LRP8: variants seen among roughly 807,000 people sequenced by gnomAD.
The protein encoded by LRP8 is low-density lipoprotein receptor-related protein 8.
A neutral mutation model predicts 111.6 loss-of-function variants in LRP8; 46 were observed. The ratio of observed to expected loss-of-function variants is 0.41; its 90% CI spans 0.33 to 0.53. The LOEUF (loss-of-function observed/expected upper bound fraction) is 0.53. Ranked by LOEUF, LRP8 falls within the 20% of genes least tolerant of loss-of-function variation. LRP8 has a pLI of 0.20. For missense variants in LRP8, 959 were observed against 1,297.4 expected (o/e 0.74, Z 4.01); for synonymous variants, 464 against 511.2 (o/e 0.91, Z 1.24).
At chr1:53,301,184 C>A (rs998451393) in intron 2 of LRP8, among the ~76,000 whole-genome samples, 3 of 152,156 alleles carry the variant, frequency 2.0e-5, no homozygotes, top group Non-Finnish European at 4.4e-5. Context: ...CTCCTGAGAA[C>A]CTTCGGCTCA....
intron 2 of LRP8, among the ~76,000 whole-genome samples, chr1:53,307,827 C>T (rs1652266349): frequency 6.6e-6 from 1 of 152,222 alleles, no homozygotes; most frequent in Non-Finnish European, 1.5e-5. Context: ...TTGGTCCAGG[C>T]ACGACCCAGT....
rs901177759 is a variant in LRP8, at chr1:53,245,766, A to G, written c.*1252T>C. 3.3e-5 allele frequency: 5 copies of G among 152,624 alleles called. No homozygotes were observed. The highest frequency in any genetic ancestry group is 1.2e-4 in the African/African-American group (5 of 41,440). The allele number at this position is 152,624 out of a possible 1,614,324, so 9.5% of individuals were successfully genotyped here. A position where few individuals can be genotyped will look rare whatever the true frequency, so the allele number is the denominator to read the frequency against. ...CTTAAAATGTTTCCCCACATAAAGG[A>G]AATGGTAGAGAGTAAGGGGAAAAGA... On this transcript the variant is annotated 3_prime_UTR_variant, in exon 19 of 19. Transcript: ENST00000306052.
At chr1:53,323,284 A>C (rs1418305978) in intron 2 of LRP8, among the ~76,000 whole-genome samples, 1 of 152,202 alleles carries the variant, frequency 6.6e-6, no homozygotes, top group East Asian at 1.9e-4. Flanking sequence ...TATTTCAGGT[A>C]CTTCATAGTG....
chr1:53,250,592 G>T lies in LRP8; in HGVS notation c.2676+98C>A. 1 of 1,039,480 alleles carries T rather than the reference G, an allele frequency of 9.6e-7. No homozygotes were observed. Among genetic ancestry groups the T allele is most frequent in the Non-Finnish European group, 1.4e-6 (1 of 696,224 alleles). The allele number at this position is 1,039,480 out of a possible 1,614,324, so 64.4% of individuals were successfully genotyped here. A position where few individuals can be genotyped will look rare whatever the true frequency, so the allele number is the denominator to read the frequency against. On this transcript the variant is annotated intron_variant, in intron 17 of 18. Coordinates refer to ENST00000306052, the MANE Select transcript of LRP8 (RefSeq NM_004631.5). The surrounding 1 kb of genome is among the most constrained non-coding windows in gnomAD (Gnocchi z 4.6). ...GGAAGGACGGAAGGAAGGAAGGGAGGGAAGAAAGGATGGGAAGGAAGAAAG... is the reference window on the plus strand; with the variant it reads ...GGAAGGACGGAAGGAAGGAAGGGAGTGAAGAAAGGATGGGAAGGAAGAAAG...
chr1:53,271,186 G>A, intron 7 of LRP8, 33 bp from the exon 8 acceptor site: 1 of 1,613,998 alleles, frequency 6.2e-7, no homozygotes, highest in Non-Finnish European at 8.5e-7. Flanking sequence ...GAACCAGCAG[G>A]AGGATCTGCT....
Position 53,276,819 on chromosome 1 carries a change from G to T in LRP8, c.756C>A (p.Ala252=), listed in dbSNP as rs1646935854. ...AELCGRPGPG[A]TSAPAACATA... ...TGGCGCAGGCGGCGGGCGCGGACGT[G>T]GCCCCGGGGCCCGGACGGCCGCAGA... The change falls in exon 5 of 19, where the codon GCC becomes GCA. Residue 252 remains alanine (A), a synonymous_variant. Coordinates refer to ENST00000306052, the MANE Select transcript of LRP8 (RefSeq NM_004631.5). 2 of 1,261,310 alleles carry T rather than the reference G, an allele frequency of 1.6e-6. No individual in the cohort carries two copies. Among genetic ancestry groups the T allele is most frequent in the East Asian group, 8.0e-5 (2 of 25,078 alleles). The allele number at this position is 1,261,310 out of a possible 1,614,324, so 78.1% of individuals were successfully genotyped here.
intron 8 of LRP8, chr1:53,268,676 A>C: frequency 6.6e-6 from 1 of 152,210 alleles, no homozygotes; most frequent in East Asian, 1.9e-4. Context: ...TTTCTTAAAC[A>C]TAACATGTCC....
intron 2 of LRP8, among the ~76,000 whole-genome samples, chr1:53,315,652 A>G (rs1653699252): frequency 6.6e-6 from 1 of 152,164 alleles, no homozygotes; most frequent in Middle Eastern, 3.2e-3. Context: ...GGGGACTTGC[A>G]CATCTACACC....
At chr1:53,284,743 T>A (rs1485937369) in intron 3 of LRP8, among the ~76,000 whole-genome samples, 1 of 152,212 alleles carries the variant, frequency 6.6e-6, no homozygotes, top group Non-Finnish European at 1.5e-5. Flanking sequence ...ACAGCTCTAA[T>A]TATAGGTTCT....
chr1:53,318,237 C>T (rs1654058392), intron 2 of LRP8, among the ~76,000 whole-genome samples: 1 of 150,548 alleles, frequency 6.6e-6, no homozygotes, highest in African/African-American at 2.5e-5. Context: ...TTGTACTCTT[C>T]TGCTTTTTTT....
Position 53,317,953 on chromosome 1 carries a change from G to A in LRP8, c.244+8920C>T, listed in dbSNP as rs949696964. Among the ~76,000 whole-genome samples, 21 of 152,172 alleles carry A rather than the reference G, an allele frequency of 1.4e-4. No homozygotes were observed. Among genetic ancestry groups the A allele is most frequent in the African/African-American group, 2.9e-4 (12 of 41,432 alleles). ...GCCCACCAAGCCAGCTATACTCCCCGCACTGTCACCAGGTAGTAAGGCACA... is the reference window on the plus strand; with the variant it reads ...GCCCACCAAGCCAGCTATACTCCCCACACTGTCACCAGGTAGTAAGGCACA... On this transcript the variant is annotated intron_variant, in intron 2 of 18. Transcript: ENST00000306052. This position sits in a 1 kb window ranked among gnomAD's most constrained non-coding sequence, Gnocchi z 4.9.
chr1:53,272,580 A>G (rs1317174138), intron 6 of LRP8: 1 of 1,290,762 alleles, frequency 7.7e-7, no homozygotes, highest in Admixed American at 2.3e-5. Context: ...AGCCTGAGCC[A>G]TGCTTAGGGA....
Position 53,268,775 on chromosome 1 carries a change from C to CT in LRP8, c.1253-2129dup, listed in dbSNP as rs929470599. Among the ~76,000 whole-genome samples the CT allele has an allele frequency of 2.0e-5, 3 of 152,124 alleles. No individual in the cohort carries two copies. In the South Asian group the frequency reaches 6.2e-4, roughly 32 times the overall value. ...AATCTTATTTTTTCAGTTGCTGTAA[C>CT]TTTTTTTTCCACATTCCACATTCAA... On this transcript the variant is annotated intron_variant, in intron 8 of 18. Transcript: ENST00000306052.
intron 3 of LRP8, among the ~76,000 whole-genome samples, chr1:53,286,843 G>A (rs1647635444): frequency 6.6e-6 from 1 of 152,236 alleles, no homozygotes; most frequent in African/African-American, 2.4e-5. Context: ...GGGAGAGGGG[G>A]CTTGCAGCCA....
In LRP8 at chr1:53,284,227, C is replaced by CTACTACATACCCGGGCCGCTTACT. The variant is rs1647235791; in HGVS notation, c.368-3513_368-3512insAGTAAGCGGCCCGGGTATGTAGTA. Among the ~76,000 whole-genome samples, 33 of 67,126 alleles carry CTACTACATACCCGGGCCGCTTACT rather than the reference C, an allele frequency of 4.9e-4. 1 individual carries two copies. The highest frequency in any genetic ancestry group is 4.1e-3 in the Admixed American group (29 of 7,096). The allele number at this position is 67,126 out of a possible 152,430, so 44.0% of individuals were successfully genotyped here. A position where few individuals can be genotyped will look rare whatever the true frequency, so the allele number is the denominator to read the frequency against. ...CCTACTACATACCCGGGCCACTTAC[C>CTACTACATACCCGGGCCGCTTACT]TACTACATACCCGGGCCACTTACTT... On this transcript the variant is annotated intron_variant, in intron 3 of 18. Transcript: ENST00000306052.
At position 53,276,824 on chromosome 1, in the gene LRP8, C is replaced by T; in HGVS notation, c.751G>A (p.Gly251Arg). ...CAGGCGGCGGGCGCGGACGTGGCCC[C>T]GGGGCCCGGACGGCCGCAGAGCTCG... ...AAELCGRPGP[G>R]ATSAPAACAT... Residue 251 changes from glycine (G) to arginine (R), a missense_variant, in exon 5 of 19, where the codon GGG becomes AGG. Physicochemically the swap from Gly to Arg is moderately radical, Grantham distance 125. This residue lies in a region of LRP8 where 819 missense variants were observed against 1,097.6 expected (regional missense o/e 0.75). Coordinates refer to ENST00000306052, the MANE Select transcript of LRP8 (RefSeq NM_004631.5). 1 of 1,265,372 alleles carries T rather than the reference C, an allele frequency of 7.9e-7. No homozygotes were observed. Among genetic ancestry groups the T allele is most frequent in the Non-Finnish European group, 1.0e-6 (1 of 1,002,820 alleles). 78.4% of individuals were successfully genotyped at this position (1,265,372 alleles called of 1,614,324 possible).
chr1:53,302,856 ATTTT>A (rs769628078), intron 2 of LRP8, among the ~76,000 whole-genome samples: 1 of 126,606 alleles, frequency 7.9e-6, no homozygotes, highest in African/African-American at 3.0e-5. Flanking sequence ...CACCCAGCTA[ATTTT>A]TTTTTTTTTT....
At chr1:53,306,076 C>CAGAGATGA (rs1651901496) in intron 2 of LRP8, 26 of 152,272 alleles carry the variant, frequency 1.7e-4, no homozygotes, top group Admixed American at 1.7e-3. Flanking sequence ...GAGACCTCTT[C>CAGAGATGA]TGATCCACAG....
chr1:53,324,522 C>T (rs750413189), intron 2 of LRP8, among the ~76,000 whole-genome samples: 9 of 152,194 alleles, frequency 5.9e-5, no homozygotes, highest in Non-Finnish European at 1.3e-4. Context: ...GAAACAAGCT[C>T]AGAAAAGCCA....
Sources: allele counts gnomAD v4.1 joint callset (sites outside exome capture counted in the v4.1 genomes callset), GRCh38; gene constraint gnomAD v4.1.1; regional missense constraint gnomAD v4.1.1; non-coding constraint Gnocchi (gnomAD v3.1); transcripts MANE v1.5; gene names NCBI Gene and HGNC (gene_info 2026-07-23, HGNC 2026-07-21).